QSOX2: variants seen among roughly 807,000 people sequenced by gnomAD.
The protein encoded by QSOX2 is quiescin sulfhydryl oxidase 2, also known as sulfhydryl oxidase 2.
In QSOX2, 46 loss-of-function variants were observed where a neutral mutation model predicts 61.7. The observed-to-expected ratio is 0.75, with a 90% confidence interval of 0.59 to 0.95. The LOEUF (loss-of-function observed/expected upper bound fraction) is 0.95. Among genes scored for constraint, QSOX2 ranks in the 40% least tolerant of loss-of-function variants. QSOX2 has a pLI of 0.00. For synonymous variants in QSOX2, 383 were observed against 388.4 expected, an observed-to-expected ratio of 0.99 and a Z score of 0.16; for missense variants, 879 against 918.9, an observed-to-expected ratio of 0.96 and a Z score of 0.56.
At chr9:136,224,304 C>T (rs1830259042) in intron 3 of QSOX2, among the ~76,000 whole-genome samples, 192 bp from the exon 4 acceptor site, 1 of 152,254 alleles carries the variant, frequency 6.6e-6, no homozygotes, top group South Asian at 2.1e-4. Flanking sequence ...GCTGGATTCA[C>T]ACAACTGGAG....
intron 11 of QSOX2, among the ~76,000 whole-genome samples, 168 bp downstream of exon 11, chr9:136,211,096 G>C (rs1307252856): frequency 1.3e-5 from 2 of 150,026 alleles, no homozygotes; most frequent in Non-Finnish European, 2.9e-5. Context: ...AAAGGCTGCA[G>C]CTCTGGCAGC....
chr9:136,226,498 G>A (rs1830282629), intron 2 of QSOX2, among the ~76,000 whole-genome samples: 1 of 152,196 alleles, frequency 6.6e-6, no homozygotes. Context: ...CAGGCTGCAG[G>A]GGGTCTTTTC....
At chr9:136,225,857 A>G (rs1413522022) in intron 2 of QSOX2, among the ~76,000 whole-genome samples, 1 of 152,274 alleles carries the variant, frequency 6.6e-6, no homozygotes, top group Non-Finnish European at 1.5e-5. Flanking sequence ...GAAAGTTTAC[A>G]TACAGCACAG....
chr9:136,236,731 G>T (rs1323927013), intron 1 of QSOX2, among the ~76,000 whole-genome samples: 1 of 151,608 alleles, frequency 6.6e-6, no homozygotes, highest in South Asian at 2.1e-4. Context: ...GCTCGTCCTG[G>T]GTCTGCGTCA....
chr9:136,221,193 G>A lies in QSOX2; in HGVS notation c.821+603C>T, dbSNP rs561979109. On this transcript the variant is annotated intron_variant, in intron 6 of 11. Transcript: ENST00000358701. This position sits in a 1 kb window ranked among gnomAD's most constrained non-coding sequence, Gnocchi z 4.5. ...CATGAGGGGCACACGGGCACCCCAC[G>A]CAGGGGCAAAGGGCTTATCCTCATG... Among the ~76,000 whole-genome samples, 91 of 147,388 alleles carry A rather than the reference G, an allele frequency of 6.2e-4. No homozygotes were observed. The highest frequency in any genetic ancestry group is 1.1e-3 in the Non-Finnish European group (75 of 67,656).
intron 10 of QSOX2, among the ~76,000 whole-genome samples, chr9:136,213,615 G>T (rs557815508): frequency 1.3e-5 from 2 of 150,918 alleles, no homozygotes; most frequent in South Asian, 4.2e-4. Context: ...CCTTGAGGAG[G>T]GCCAAAACAG....
At chr9:136,216,478 A>G (rs10858248) in intron 9 of QSOX2, 122 bp downstream of exon 9, 645,109 of 1,336,888 alleles carry the variant, frequency 0.48, 157,320 homozygotes, top group Non-Finnish European at 0.5. Context: ...ACAGTAAGTC[A>G]CTGCTCCCCT....
rs1361429145 is a variant in QSOX2 at position 136,209,933 on chromosome 9, G to A, written c.1550-658C>T. ...TCATGCAGAAGCTGCGGCGCACGGC[G>A]CCTCCTAGCTCTCGGAGCCCCTGCG... is the stretch of plus-strand genomic sequence containing the variant. On this transcript the variant is annotated intron_variant, in intron 11 of 11. Transcript: ENST00000358701. The surrounding 1 kb of genome is among the most constrained non-coding windows in gnomAD (Gnocchi z 5.6). The A allele has an allele frequency of 8.1e-6, 8 of 985,244 alleles. No individual in the cohort carries two copies. The Admixed American group carries it at 1.8e-4, about 23-fold the overall frequency. The allele number at this position is 985,244 out of a possible 1,614,324, so 61.0% of individuals were successfully genotyped here.
chr9:136,213,021 A>G (rs1831866683), intron 10 of QSOX2, among the ~76,000 whole-genome samples: 2 of 152,094 alleles, frequency 1.3e-5, no homozygotes, highest in South Asian at 4.1e-4. Flanking sequence ...CTGGTCCTAG[A>G]AGAGTTTAAA....
At chr9:136,242,620 G>A (rs1830441697) in intron 1 of QSOX2, among the ~76,000 whole-genome samples, 2 of 152,390 alleles carry the variant, frequency 1.3e-5, no homozygotes, top group South Asian at 2.1e-4. Flanking sequence ...CACGGGCAAT[G>A]GGCGCCCTAT....
At position 136,245,516 on chromosome 9, in the gene QSOX2, G is replaced by A. The variant is rs1830465714; in HGVS notation, c.288C>T (p.Gly96=). The A allele has an allele frequency of 6.3e-7, 1 of 1,594,310 alleles. No individual in the cohort carries two copies. Among genetic ancestry groups the A allele is most frequent in the Non-Finnish European group, 8.5e-7 (1 of 1,177,590 alleles). The change falls in exon 1 of 12, where the codon GGC becomes GGT. Residue 96 remains glycine (G), a synonymous_variant. Coordinates refer to ENST00000358701, the MANE Select transcript of QSOX2 (RefSeq NM_181701.4). ...FYSSWCGHCI[G]YAPTWRALAG... ...CCAGGGCCCGCCAAGTGGGCGCGTA[G>A]CCGATGCAGTGGCCACACCACGACG...
intron 1 of QSOX2, among the ~76,000 whole-genome samples, chr9:136,228,463 T>C (rs1290629563): frequency 1.3e-5 from 2 of 152,146 alleles, no homozygotes; most frequent in African/African-American, 4.8e-5. Context: ...GATGTAAAAA[T>C]TGCACTGCCA....
rs1417990400 is a variant in QSOX2, at chr9:136,206,729, G to A, written c.*1999C>T. The A allele has an allele frequency of 6.6e-6, 1 of 152,242 alleles. No homozygotes were observed. Among genetic ancestry groups the A allele is most frequent in the East Asian group, 1.9e-4 (1 of 5,336 alleles). 9.4% of individuals were successfully genotyped at this position (152,242 alleles called of 1,614,324 possible). ...ACGCAAGCTTGTTCCCCAAATAGTG[G>A]TGACCTCAAACTGCAATATGATGAA... is the stretch of plus-strand genomic sequence containing the variant. On this transcript the variant is annotated 3_prime_UTR_variant, in exon 12 of 12. Transcript: ENST00000358701.
At chr9:136,212,017 G>A (rs751354774) in intron 10 of QSOX2, among the ~76,000 whole-genome samples, 1 of 152,254 alleles carries the variant, frequency 6.6e-6, no homozygotes, top group Non-Finnish European at 1.5e-5. Flanking sequence ...CCAGCCACGG[G>A]CGTGAGGATG....
intron 8 of QSOX2, 149 bp from the exon 9 acceptor site, chr9:136,216,871 T>C: frequency 9.8e-7 from 1 of 1,015,296 alleles, no homozygotes; most frequent in Non-Finnish European, 1.4e-6. Context: ...GTTTCTCTGA[T>C]GGGAGGCAGG....
Position 136,221,657 on chromosome 9 carries a change from G to A in QSOX2, c.821+139C>T. The A allele has an allele frequency of 1.2e-6, 1 of 854,476 alleles. No individual in the cohort carries two copies. Among genetic ancestry groups the A allele is most frequent in the African/African-American group, 1.7e-5 (1 of 57,730 alleles). 52.9% of individuals were successfully genotyped at this position (854,476 alleles called of 1,614,324 possible). ...GCAATACCCACGGGCTGAGAGCCAGGGCCCAAATCTGCCCAGGGAAGCGAG... is the reference window on the plus strand; with the variant it reads ...GCAATACCCACGGGCTGAGAGCCAGAGCCCAAATCTGCCCAGGGAAGCGAG... On this transcript the variant is annotated intron_variant, in intron 6 of 11. Coordinates refer to ENST00000358701, the MANE Select transcript of QSOX2 (RefSeq NM_181701.4). This position sits in a 1 kb window ranked among gnomAD's most constrained non-coding sequence, Gnocchi z 4.5.
rs1010504928 is a variant in QSOX2, at chr9:136,221,724, A to G, written c.821+72T>C. On this transcript the variant is annotated intron_variant, in intron 6 of 11. Transcript: ENST00000358701. This position sits in a 1 kb window ranked among gnomAD's most constrained non-coding sequence, Gnocchi z 4.5. ...TCCCCCGATCTCACACCAGACTTGC[A>G]CTGTCTACTCGGAGCCTCTGTCCGG... is the stretch of plus-strand genomic sequence containing the variant. 2 of 1,470,958 alleles carry G rather than the reference A, an allele frequency of 1.4e-6. No homozygotes were observed. The highest frequency in any genetic ancestry group is 2.8e-5 in the African/African-American group (2 of 70,752). 91.1% of individuals were successfully genotyped at this position (1,470,958 alleles called of 1,614,324 possible).
At position 136,241,772 on chromosome 9, in the gene QSOX2, G is replaced by A. The variant is rs116983571; in HGVS notation, c.328+3704C>T. On this transcript the variant is annotated intron_variant, in intron 1 of 11. Transcript: ENST00000358701. Reference sequence around the variant, plus strand: ...ATGTGCTATCATCTACAACATAAGCGTTCCCGCCCTCCTGAGGGCAGGTCT... The same window carrying A: ...ATGTGCTATCATCTACAACATAAGCATTCCCGCCCTCCTGAGGGCAGGTCT... Among the ~76,000 whole-genome samples the A allele has an allele frequency of 3.9e-4, 59 of 152,342 alleles. 2 individuals carry two copies. In the East Asian group the frequency reaches 8.9e-3, roughly 23 times the overall value.
intron 11 of QSOX2, chr9:136,210,340 CCT>C: frequency 2.0e-6 from 2 of 985,454 alleles, no homozygotes; most frequent in Non-Finnish European, 2.4e-6. Context: ...CTGTAAGGCC[CCT>C]TTCTGTTGCA....
Sources: gnomAD v4.1 joint callset for allele counts (sites outside exome capture counted in the v4.1 genomes callset) on GRCh38, gnomAD v4.1.1 for gene constraint, Gnocchi (gnomAD v3.1) non-coding constraint, MANE v1.5 for transcripts, NCBI Gene and HGNC (gene_info 2026-07-23, HGNC 2026-07-21) for gene names.